Variants in CACNA1E observed in about 807,000 individuals in gnomAD.
CACNA1E encodes the protein calcium voltage-gated channel subunit alpha1 E.
In CACNA1E, 40 loss-of-function variants were observed where a neutral mutation model predicts 259.2. The observed-to-expected ratio is 0.15, with a 90% CI of 0.12 to 0.20. The LOEUF (loss-of-function observed/expected upper bound fraction) is 0.20. CACNA1E is among the 10% of genes least tolerant of loss of function. The pLI, the probability that CACNA1E is intolerant of heterozygous loss-of-function variation, is 1.00. For synonymous variants in CACNA1E, 1,104 were observed against 1,138.5 expected, an observed-to-expected ratio of 0.97 and a Z score of 0.61; for missense variants, 1,874 against 3,040.1, an observed-to-expected ratio of 0.62 and a Z score of 9.02.
chr1:181,330,482 C>T (rs1268583320), intron 1 of CACNA1E, among the ~76,000 whole-genome samples: 1 of 152,188 alleles, frequency 6.6e-6, no homozygotes, highest in Non-Finnish European at 1.5e-5. Flanking sequence ...GGGAAGGTGC[C>T]TGGGGAACGG....
chr1:181,525,560 C>T (rs1667291527), intron 3 of CACNA1E, among the ~76,000 whole-genome samples: 2 of 152,206 alleles, frequency 1.3e-5, no homozygotes, highest in South Asian at 2.1e-4. Flanking sequence ...GATATCACTA[C>T]TGGTTAACAT....
At chr1:181,484,615 A>C (rs2102472971) in intron 1 of CACNA1E, among the ~76,000 whole-genome samples, 1 of 152,348 alleles carries the variant, frequency 6.6e-6, no homozygotes, top group African/African-American at 2.4e-5. Flanking sequence ...GGCATGAGTG[A>C]GTGTCTGTCA....
intron 35 of CACNA1E, among the ~76,000 whole-genome samples, chr1:181,769,211 A>G (rs1659280585): frequency 6.6e-6 from 1 of 152,150 alleles, no homozygotes; most frequent in African/African-American, 2.4e-5. Context: ...TTCTAGTTCT[A>G]AAGTTCTGTA....
Position 181,732,514 on chromosome 1 carries a change from CCCCTCAACCCGCTCAGCT to C in CACNA1E, c.2444_2461del (p.Ser815_Leu820del), listed in dbSNP as rs1005599686. ...GGCGCCGACCATGAACCCGCTCAAC[CCCCTCAACCCGCTCAGCT>C]CCCTCAACCCGCTCAATGCCCACCC... On this transcript the variant is annotated inframe_deletion, in exon 20 of 48. Coordinates refer to ENST00000367573, the MANE Select transcript of CACNA1E (RefSeq NM_001205293.3). The surrounding 1 kb of genome is among the most constrained non-coding windows in gnomAD (Gnocchi z 5.5). The C allele has an allele frequency of 5.2e-6, 8 of 1,551,292 alleles. No homozygotes were observed. The highest frequency in any genetic ancestry group is 3.6e-5 in the South Asian group (3 of 84,050).
intron 6 of CACNA1E, among the ~76,000 whole-genome samples, chr1:181,597,921 G>A (rs901204523): frequency 2.0e-5 from 3 of 152,218 alleles, no homozygotes; most frequent in South Asian, 2.1e-4. Flanking sequence ...ACCTCCCACC[G>A]GCTTCCTCCC....
At chr1:181,641,720 T>TTTTG (rs1657789736) in intron 6 of CACNA1E, among the ~76,000 whole-genome samples, 1 of 136,104 alleles carries the variant, frequency 7.3e-6, no homozygotes, top group African/African-American at 2.8e-5. Context: ...TTTTTTTTTT[T>TTTTG]TTTTTTTTTT....
chr1:181,515,392 T>C (rs1666499415), intron 3 of CACNA1E, among the ~76,000 whole-genome samples: 1 of 152,238 alleles, frequency 6.6e-6, no homozygotes, highest in Non-Finnish European at 1.5e-5. Context: ...GATTTCTTCC[T>C]TAAATGGCTT....
intron 1 of CACNA1E, among the ~76,000 whole-genome samples, chr1:181,411,084 G>A (rs1342002291): frequency 1.3e-5 from 2 of 152,170 alleles, no homozygotes; most frequent in Admixed American, 6.5e-5. Context: ...TCACTGAGAC[G>A]TGTGGTTGGG....
chr1:181,550,640 A>G (rs1011843057), intron 3 of CACNA1E, among the ~76,000 whole-genome samples: 9 of 152,206 alleles, frequency 5.9e-5, no homozygotes, highest in African/African-American at 2.2e-4. Flanking sequence ...CCAGGTTCAA[A>G]TGTGAGGGAG....
intron 1 of CACNA1E, among the ~76,000 whole-genome samples, chr1:181,340,763 T>C (rs974060827): frequency 6.6e-6 from 1 of 152,178 alleles, no homozygotes; most frequent in Admixed American, 6.5e-5. Context: ...ATGTTATGAG[T>C]GTCCCTCAAG....
At chr1:181,388,329 A>G (rs1656003460) in intron 1 of CACNA1E, among the ~76,000 whole-genome samples, 1 of 152,242 alleles carries the variant, frequency 6.6e-6, no homozygotes, top group South Asian at 2.1e-4. Context: ...CAAAGAGGAA[A>G]TACAGTCATG....
chr1:181,484,952 G>C (rs1663655818), intron 1 of CACNA1E, among the ~76,000 whole-genome samples: 1 of 152,224 alleles, frequency 6.6e-6, no homozygotes, highest in Admixed American at 6.5e-5. Context: ...GAGCTTCTTT[G>C]CAGGTTTAAT....
chr1:181,396,709 T>C (rs1203352587), intron 1 of CACNA1E, among the ~76,000 whole-genome samples: 1 of 152,154 alleles, frequency 6.6e-6, no homozygotes, highest in African/African-American at 2.4e-5. Context: ...AGTAGAACAA[T>C]GTGGAATAAC....
intron 23 of CACNA1E, 100 bp from the exon 24 acceptor site, chr1:181,738,267 G>T: frequency 1.1e-6 from 1 of 895,048 alleles, no homozygotes; most frequent in East Asian, 2.4e-5. Flanking sequence ...TGAGGGCCAG[G>T]GTGGGCGTGC....
intron 10 of CACNA1E, 72 bp from the exon 11 acceptor site, chr1:181,717,021 C>A: frequency 7.7e-7 from 1 of 1,296,856 alleles, no homozygotes. Context: ...GCCCATCTTG[C>A]CCTTCGAATG....
At chr1:181,590,427 ATATATATATT>A (rs1429788464) in intron 6 of CACNA1E, among the ~76,000 whole-genome samples, 6 of 147,768 alleles carry the variant, frequency 4.1e-5, no homozygotes, top group African/African-American at 1.5e-4. Context: ...ATATATATAT[ATATATATATT>A]GTATTTGACT....
At chr1:181,518,940 G>A (rs1165831022) in intron 3 of CACNA1E, among the ~76,000 whole-genome samples, 1 of 152,180 alleles carries the variant, frequency 6.6e-6, no homozygotes. Flanking sequence ...ATCCCTGGGT[G>A]GTTTGGTTTG....
At chr1:181,694,711 C>T (rs1325496740) in intron 7 of CACNA1E, among the ~76,000 whole-genome samples, 1 of 152,136 alleles carries the variant, frequency 6.6e-6, no homozygotes, top group Admixed American at 6.6e-5. Flanking sequence ...CTCAAGTATT[C>T]TGTTATAGTG....
intron 1 of CACNA1E, among the ~76,000 whole-genome samples, chr1:181,340,021 C>T (rs1571605510): frequency 6.7e-6 from 1 of 150,308 alleles, no homozygotes; most frequent in East Asian, 1.9e-4. Context: ...TTATATTATT[C>T]TTACAAAGGC....
Sources: gnomAD v4.1 joint callset for allele counts (sites outside exome capture counted in the v4.1 genomes callset) on GRCh38, gnomAD v4.1.1 for gene constraint, Gnocchi (gnomAD v3.1) non-coding constraint, MANE v1.5 for transcripts, NCBI Gene and HGNC (gene_info 2026-07-23, HGNC 2026-07-21) for gene names.